The following PRELID2 variants were observed in gnomAD, a reference collection of about 807,000 sequenced individuals.
The protein encoded by PRELID2 is PRELI domain containing 2.
A neutral mutation model predicts 28.4 loss-of-function variants in PRELID2; 25 were observed. The observed-to-expected ratio is 0.88, with a 90% CI of 0.64 to 1.23. PRELID2 has a LOEUF of 1.23. PRELID2 is among the 50% of genes most tolerant of loss of function. The pLI, the probability that PRELID2 is intolerant of heterozygous loss-of-function variation, is 0.00. For synonymous variants in PRELID2, 76 were observed against 71.6 expected, an observed-to-expected ratio of 1.06 and a Z score of -0.31; for missense variants, 201 against 214.4, an observed-to-expected ratio of 0.94 and a Z score of 0.39.
the PRELID2 span, among the ~76,000 whole-genome samples, chr5:145,322,426 C>T: frequency 1.3e-5 from 2 of 152,082 alleles, no homozygotes; most frequent in African/African-American, 2.4e-5. Context: ...ATAAAGCCCT[C>T]GTGGCTAAAC....
intron 1 of PRELID2, among the ~76,000 whole-genome samples, chr5:145,501,940 C>T (rs781642216): frequency 1.3e-5 from 2 of 152,134 alleles, no homozygotes; most frequent in African/African-American, 4.8e-5. Context: ...GCTGATTCTG[C>T]GTCTGTATTA....
the PRELID2 span, among the ~76,000 whole-genome samples, chr5:145,356,799 T>C: frequency 6.6e-6 from 1 of 152,224 alleles, no homozygotes; most frequent in Non-Finnish European, 1.5e-5. Flanking sequence ...GTCATCTTGT[T>C]GTTAGCAGAT....
rs78649215 is a variant in PRELID2 at position 145,725,808 on chromosome 5, T to C, written n.70+39123A>G. Among the ~76,000 whole-genome samples the C allele has an allele frequency of 9.3e-3, 1,416 of 152,320 alleles. 15 individuals are homozygous for C. The highest frequency in any genetic ancestry group is 0.031 in the African/African-American group (1,300 of 41,574). ...CTCAACAGGCTGACTCCAAGATCCT[T>C]GAGCAAGACTTTTCTGGGTTGTAGA... On this transcript the variant is annotated intron_variant and non_coding_transcript_variant, in intron 1 of 2. Coordinates refer to the PRELID2 transcript ENST00000510259.
At chr5:145,474,083 G>C (rs1447317743) in intron 1 of PRELID2, among the ~76,000 whole-genome samples, 1 of 152,152 alleles carries the variant, frequency 6.6e-6, no homozygotes. Flanking sequence ...TGATAGCAAA[G>C]AAAAGTACTC....
intron 5 of PRELID2, among the ~76,000 whole-genome samples, chr5:145,777,931 G>A (rs528809700): frequency 7.2e-5 from 11 of 152,292 alleles, no homozygotes; most frequent in Admixed American, 3.3e-4. Context: ...CATCAGGGCC[G>A]AATCTGGACA....
the PRELID2 span, among the ~76,000 whole-genome samples, chr5:145,267,171 A>C: frequency 1.3e-5 from 2 of 152,160 alleles, no homozygotes; most frequent in Admixed American, 6.5e-5. Flanking sequence ...CATTCAGCAC[A>C]GGAGAAAGAT....
At chr5:145,661,691 A>C (rs886918897) in intron 1 of PRELID2, among the ~76,000 whole-genome samples, 1 of 136,884 alleles carries the variant, frequency 7.3e-6, no homozygotes, top group Non-Finnish European at 1.5e-5. Flanking sequence ...AAAAAAAAAC[A>C]TGTTATGCTT....
At chr5:145,824,286 G>A (rs76515238) in intron 1 of PRELID2, among the ~76,000 whole-genome samples, 2 of 152,102 alleles carry the variant, frequency 1.3e-5, no homozygotes, top group Non-Finnish European at 2.9e-5. Context: ...ACAAAGTGCT[G>A]AGCAGAAGGC....
At chr5:145,368,979 C>T in the PRELID2 span, among the ~76,000 whole-genome samples, 996 of 151,774 alleles carry the variant, frequency 6.6e-3, 10 homozygotes, top group African/African-American at 0.023. Context: ...CTCAACCCTC[C>T]GATAGGCCCC....
At chr5:145,737,526 T>G (rs1756530579) in intron 1 of PRELID2, among the ~76,000 whole-genome samples, 1 of 152,188 alleles carries the variant, frequency 6.6e-6, no homozygotes, top group Non-Finnish European at 1.5e-5. Context: ...TGTAAGTTCC[T>G]TGAGTTTTAT....
chr5:145,419,546 T>C, the PRELID2 span, among the ~76,000 whole-genome samples: 1 of 133,558 alleles, frequency 7.5e-6, no homozygotes, highest in Non-Finnish European at 1.6e-5. Flanking sequence ...AAGTGTCTGT[T>C]CATGTCCTTC....
chr5:145,335,215 A>G, the PRELID2 span, among the ~76,000 whole-genome samples: 4 of 151,740 alleles, frequency 2.6e-5, no homozygotes, highest in South Asian at 6.2e-4. Context: ...TTTTGAGTTA[A>G]CAGATTCTTT....
chr5:145,831,181 A>C (rs1581304241), intron 1 of PRELID2, among the ~76,000 whole-genome samples: 1 of 152,362 alleles, frequency 6.6e-6, no homozygotes, highest in East Asian at 1.9e-4. Flanking sequence ...TCCTCACAAC[A>C]ACCCTGGAAG....
the PRELID2 span, among the ~76,000 whole-genome samples, chr5:145,294,674 T>C: frequency 8.5e-5 from 13 of 152,216 alleles, no homozygotes; most frequent in Non-Finnish European, 8.8e-5. Context: ...ATTAGCCATA[T>C]ATTTGTAACT....
chr5:145,638,487 T>C (rs985171789), intron 1 of PRELID2, among the ~76,000 whole-genome samples: 10 of 152,228 alleles, frequency 6.6e-5, no homozygotes, highest in Non-Finnish European at 1.3e-4. Flanking sequence ...AATTTAGATG[T>C]TAACTGTCTA....
chr5:145,807,646 C>A (rs1753604678), intron 4 of PRELID2, among the ~76,000 whole-genome samples: 2 of 151,980 alleles, frequency 1.3e-5, no homozygotes, highest in African/African-American at 4.8e-5. Context: ...CTACCAAATC[C>A]TACTGGGCTT....
At chr5:145,295,741 A>G in the PRELID2 span, among the ~76,000 whole-genome samples, 1 of 152,202 alleles carries the variant, frequency 6.6e-6, no homozygotes, top group Non-Finnish European at 1.5e-5. Context: ...TAGCGAATTG[A>G]TGGAAGAGCC....
At chr5:145,385,806 C>A in the PRELID2 span, among the ~76,000 whole-genome samples, 1 of 152,080 alleles carries the variant, frequency 6.6e-6, no homozygotes, top group Non-Finnish European at 1.5e-5. Flanking sequence ...AACTCAAATG[C>A]CACCTTTATG....
the PRELID2 span, among the ~76,000 whole-genome samples, chr5:145,346,416 C>T: frequency 6.6e-6 from 1 of 152,072 alleles, no homozygotes; most frequent in African/African-American, 2.4e-5. Flanking sequence ...CTAACATTGC[C>T]CATTGCATTA....
Sources: allele counts gnomAD v4.1 joint callset (sites outside exome capture counted in the v4.1 genomes callset), GRCh38; gene constraint gnomAD v4.1.1; transcripts MANE v1.5; gene names NCBI Gene and HGNC (gene_info 2026-07-23, HGNC 2026-07-21).